TRPV5: variants seen among roughly 807,000 people sequenced by gnomAD.
TRPV5 encodes transient receptor potential cation channel subfamily V member 5.
In TRPV5, 66 loss-of-function variants were observed where a neutral mutation model predicts 74.1. The ratio of observed to expected loss-of-function variants is 0.89; its 90% CI spans 0.73 to 1.09. The LOEUF is 1.09. TRPV5 is among the 50% of genes least tolerant of loss of function. TRPV5 has a pLI of 0.00. For missense variants in TRPV5, 936 were observed against 930.4 expected (o/e 1.01, Z -0.08); for synonymous variants, 399 against 360.7 (o/e 1.11, Z -1.20).
chr7:142,912,903 C>A (rs1237126911), intron 12 of TRPV5, among the ~76,000 whole-genome samples, 153 bp from the exon 13 acceptor site: 1 of 151,472 alleles, frequency 6.6e-6, no homozygotes, highest in African/African-American at 2.4e-5. Flanking sequence ...CACACATGCA[C>A]AGATAATTAC....
intron 1 of TRPV5, among the ~76,000 whole-genome samples, chr7:142,932,902 G>A (rs1309081700): frequency 2.6e-5 from 4 of 152,224 alleles, no homozygotes; most frequent in East Asian, 1.9e-4. Context: ...CAAACAAAGC[G>A]CTCCTCCCCT....
At position 142,925,808 on chromosome 7, in the gene TRPV5, G is replaced by T. The variant is rs1025619450; in HGVS notation, c.910-67C>A. On this transcript the variant is annotated intron_variant, in intron 7 of 14. Coordinates refer to ENST00000265310, the MANE Select transcript of TRPV5 (RefSeq NM_019841.7). ...AAGGATGTTGTTTATCCCACTGGGG[G>T]CCAGAAGAGGCAGGGCAGCAACCAT... 1.4e-5 allele frequency: 19 copies of T among 1,373,874 alleles called. No homozygotes were observed. The African/African-American group carries it at 1.6e-4, about 11-fold the overall frequency. 85.1% of individuals were successfully genotyped at this position (1,373,874 alleles called of 1,614,324 possible). A position where few individuals can be genotyped will look rare whatever the true frequency, so the allele number is the denominator to read the frequency against.
At chr7:142,918,368 G>A (rs1207798613) in intron 8 of TRPV5, among the ~76,000 whole-genome samples, 1 of 152,176 alleles carries the variant, frequency 6.6e-6, no homozygotes, top group Non-Finnish European at 1.5e-5. Context: ...AATTCTCTCT[G>A]ACATGTTTTC....
In TRPV5 at chr7:142,933,725, A is replaced by G; in HGVS notation, c.-266T>C. The G allele has an allele frequency of 4.4e-6, 2 of 454,400 alleles. No individual in the cohort carries two copies. The highest frequency in any genetic ancestry group is 3.9e-6 in the Non-Finnish European group (1 of 258,844). 28.1% of individuals were successfully genotyped at this position (454,400 alleles called of 1,614,324 possible). On this transcript the variant is annotated 5_prime_UTR_variant, in exon 1 of 15. It removes an upstream start codon present in the reference 5' UTR. Transcript: ENST00000265310. The stretch of plus-strand genomic sequence containing the variant: ...TGTGGTTGTGAGGTGGTGTGTGTGC[A>G]TGCAGGTGCGCTGAGGGGACTGACC...
chr7:142,908,186 T>G lies in TRPV5; in HGVS notation c.*328A>C. On this transcript the variant is annotated 3_prime_UTR_variant, in exon 15 of 15. Transcript: ENST00000265310. ...GAGCCAGAAAAGCCTCACAGCTTAC[T>G]ACTTTCTAGGGGCTGCGTGGGGCAG... 1 of 369,494 alleles carries G rather than the reference T, an allele frequency of 2.7e-6. No individual in the cohort carries two copies. Among genetic ancestry groups the G allele is most frequent in the Non-Finnish European group, 4.9e-6 (1 of 203,212 alleles). 22.9% of individuals were successfully genotyped at this position (369,494 alleles called of 1,614,324 possible).
chr7:142,928,823 G>T lies in TRPV5; in HGVS notation c.630C>A (p.Thr210=). The stretch of plus-strand genomic sequence containing the variant: ...GCAGGTTGTACATCTGGCAGGCAAA[G>T]GTTTTGTTGGGCTGGAGGATGAGGA... ...LHILILQPNK[T]FACQMYNLLL... Residue 210 remains threonine (T), a synonymous_variant, in exon 6 of 15, where the codon ACC becomes ACA. Coordinates refer to ENST00000265310, the MANE Select transcript of TRPV5 (RefSeq NM_019841.7). 6.2e-7 allele frequency: 1 copy of T among 1,614,154 alleles called. No individual in the cohort carries two copies. The highest frequency in any genetic ancestry group is 8.5e-7 in the Non-Finnish European group (1 of 1,180,012).
chr7:142,912,712 G>T lies in TRPV5; in HGVS notation c.1558C>A (p.Leu520Met), dbSNP rs763070734. Residue 520 changes from leucine (L) to methionine (M), a missense_variant, in exon 13 of 15, where the codon CTG becomes ATG. Transcript: ENST00000265310. ...IIFQTEDPTS[L>M]GQFYDYPMAL... is the part of the protein sequence containing the mutation. ...ATGGGGTAGTCATAGAATTGCCCCA[G>T]ACTGGTTGGGTCCTCTGTCTGGAAA... The T allele has an allele frequency of 6.2e-7, 1 of 1,614,216 alleles. No homozygotes were observed. The highest frequency in any genetic ancestry group is 8.5e-7 in the Non-Finnish European group (1 of 1,180,032).
At position 142,908,631 on chromosome 7, in the gene TRPV5, G is replaced by C; in HGVS notation, c.2073C>G (p.Thr691=). 1.2e-6 allele frequency: 2 copies of C among 1,614,258 alleles called. No individual in the cohort carries two copies. Among genetic ancestry groups the C allele is most frequent in the Admixed American group, 1.7e-5 (1 of 60,038 alleles). ...CTCGGTGACTGCTGCTCTGGGACGC[G>C]GTCCGGGACAGGGAGGAAGTTGGAA... ...LALPTSSLSR[T]ASQSSSHRGW... Residue 691 remains threonine (T), a synonymous_variant, in exon 15 of 15, where the codon ACC becomes ACG. Transcript: ENST00000265310.
intron 8 of TRPV5, among the ~76,000 whole-genome samples, chr7:142,917,753 G>A (rs978587197): frequency 2.0e-4 from 30 of 152,146 alleles, no homozygotes; most frequent in African/African-American, 7.0e-4. Flanking sequence ...CTCTGTCCCC[G>A]GGGTCCTTAC....
At chr7:142,930,959 G>A (rs1361912380) in intron 1 of TRPV5, among the ~76,000 whole-genome samples, 1 of 151,376 alleles carries the variant, frequency 6.6e-6, no homozygotes, top group Non-Finnish European at 1.5e-5. Context: ...TCTTTCCTAG[G>A]CATTTTGAAA....
Position 142,914,718 on chromosome 7 carries a change from A to G in TRPV5, c.1453-12T>C. 14 of 1,613,512 alleles carry G rather than the reference A, an allele frequency of 8.7e-6. No individual in the cohort carries two copies. The highest frequency in any genetic ancestry group is 2.7e-5 in the African/African-American group (2 of 75,056). Reference sequence around the variant, plus strand: ...TCTCCAAAAATCATCTGCAGGAAACAGAAGGAAGAAAGGGTGGGATGATTC... The same window carrying G: ...TCTCCAAAAATCATCTGCAGGAAACGGAAGGAAGAAAGGGTGGGATGATTC... On this transcript the variant is annotated splice_polypyrimidine_tract_variant and intron_variant, in intron 11 of 14. Transcript: ENST00000265310.
Position 142,915,572 on chromosome 7 carries a change from T to A in TRPV5, c.1123-4A>T, listed in dbSNP as rs935763993. 8 of 1,613,868 alleles carry A rather than the reference T, an allele frequency of 5.0e-6. No homozygotes were observed. Among genetic ancestry groups the A allele is most frequent in the Non-Finnish European group, 3.4e-6 (4 of 1,179,940 alleles). On this transcript the variant is annotated splice_polypyrimidine_tract_variant and splice_region_variant and intron_variant, in intron 8 of 14. Transcript: ENST00000265310. ...CTTCACGTGTCTCATAGGCCTCCTA[T>A]GTGGGGAAATTCAGAAGAAGTGCTT...
In TRPV5 at chr7:142,928,790, G is replaced by A. The variant is rs775843768; in HGVS notation, c.663C>T (p.Ser221=). ...FACQMYNLLL[S]YDGHGDHLQP... is the part of the protein sequence containing the mutation. ...GCAGGTGGTCCCCATGTCCATCATA[G>A]GACAGCAGCAGGTTGTACATCTGGC... The change falls in exon 6 of 15, where the codon TCC becomes TCT. Residue 221 remains serine (S), a synonymous_variant. Coordinates refer to ENST00000265310, the MANE Select transcript of TRPV5 (RefSeq NM_019841.7). 11 of 1,614,032 alleles carry A rather than the reference G, an allele frequency of 6.8e-6. No individual in the cohort carries two copies. Among genetic ancestry groups the A allele is most frequent in the Non-Finnish European group, 9.3e-6 (11 of 1,180,006 alleles).
intron 13 of TRPV5, among the ~76,000 whole-genome samples, chr7:142,911,690 T>C (rs1795705817): frequency 6.6e-6 from 1 of 152,218 alleles, no homozygotes. Flanking sequence ...GTTGTGTTTA[T>C]GCTCATGTCC....
At position 142,914,945 on chromosome 7, in the gene TRPV5, C is replaced by T. The variant is rs1238557058; in HGVS notation, c.1388G>A (p.Cys463Tyr). 2 of 1,614,026 alleles carry T rather than the reference C, an allele frequency of 1.2e-6. No individual in the cohort carries two copies. The highest frequency in any genetic ancestry group is 1.7e-6 in the Non-Finnish European group (2 of 1,180,042). ...PMSFALVLGW[C>Y]SVMYFTRGFQ... ...TCCTCGAGTGAAATACATGACACTGCACCAGCCCAGCACCAGGGCAAAGGA... is the reference window on the plus strand; with the variant it reads ...TCCTCGAGTGAAATACATGACACTGTACCAGCCCAGCACCAGGGCAAAGGA... Residue 463 changes from cysteine (C) to tyrosine (Y), a missense_variant, in exon 11 of 15, where the codon TGC becomes TAC. Coordinates refer to ENST00000265310, the MANE Select transcript of TRPV5 (RefSeq NM_019841.7).
In TRPV5 at chr7:142,922,453, A is replaced by C. The variant is rs552451699; in HGVS notation, c.1122+3076T>G. Among the ~76,000 whole-genome samples the C allele has an allele frequency of 2.9e-3, 448 of 152,298 alleles. 1 individual carries two copies. The highest frequency in any genetic ancestry group is 0.017 in the Middle Eastern group (5 of 294). ...GAGCTGCACTTACCTCAAAGATGGA[A>C]GCCACGGGTTCTCAACCTTGGCAGA... On this transcript the variant is annotated intron_variant, in intron 8 of 14. Coordinates refer to ENST00000265310, the MANE Select transcript of TRPV5 (RefSeq NM_019841.7).
At chr7:142,919,275 G>A (rs1300366896) in intron 8 of TRPV5, among the ~76,000 whole-genome samples, 1 of 152,226 alleles carries the variant, frequency 6.6e-6, no homozygotes, top group Non-Finnish European at 1.5e-5. Context: ...GGGCAGGGAT[G>A]CCTCCCTCCT....
At chr7:142,928,948 G>T in intron 5 of TRPV5, 74 bp downstream of exon 5, 2 of 1,611,720 alleles carry the variant, frequency 1.2e-6, no homozygotes, top group Non-Finnish European at 1.7e-6. Flanking sequence ...CTTCCTAAAG[G>T]TCCCAGCTCC....
chr7:142,909,790 G>A (rs1312197413), intron 13 of TRPV5, among the ~76,000 whole-genome samples, 194 bp from the exon 14 acceptor site: 2 of 152,208 alleles, frequency 1.3e-5, no homozygotes, highest in Admixed American at 6.5e-5. Context: ...ATCAAGAAAT[G>A]AGAGAGGATT....
Sources: gnomAD v4.1 joint callset for allele counts (sites outside exome capture counted in the v4.1 genomes callset) on GRCh38, gnomAD v4.1.1 for gene constraint, MANE v1.5 for transcripts, NCBI Gene and HGNC (gene_info 2026-07-23, HGNC 2026-07-21) for gene names.